Variants in HSF2BP observed in about 807,000 individuals in gnomAD.
HSF2BP encodes heat shock factor 2-binding protein.
Under a neutral mutation model 35.0 loss-of-function variants are expected in HSF2BP, and 35 were observed. That is an observed-to-expected ratio of 1.00 (90% CI 0.76 to 1.32). The LOEUF (loss-of-function observed/expected upper bound fraction) is 1.32, where lower values mean the gene tolerates loss of function less well. HSF2BP is among the 40% of genes most tolerant of loss of function. HSF2BP has a pLI of 0.00. For synonymous variants in HSF2BP, 114 were observed against 117.4 expected, an observed-to-expected ratio of 0.97 and a Z score of 0.18; for missense variants, 326 against 321.7, an observed-to-expected ratio of 1.01 and a Z score of -0.10.
At chr21:43,614,945 A>C (rs1235728161) in intron 6 of HSF2BP, among the ~76,000 whole-genome samples, 4 of 152,216 alleles carry the variant, frequency 2.6e-5, no homozygotes, top group Non-Finnish European at 5.9e-5. Context: ...TTTATGTCCC[A>C]TTGTGGAACA....
chr21:43,628,669 T>C (rs961168253), intron 6 of HSF2BP, among the ~76,000 whole-genome samples: 1 of 152,238 alleles, frequency 6.6e-6, no homozygotes, highest in Non-Finnish European at 1.5e-5. Flanking sequence ...AGATTTTCAA[T>C]GTAGACAAAG....
At chr21:43,654,581 CA>C (rs2082840245) in intron 3 of HSF2BP, among the ~76,000 whole-genome samples, 1 of 152,142 alleles carries the variant, frequency 6.6e-6, no homozygotes. Context: ...TTCCTCACTG[CA>C]AAGAGCCATA....
intron 4 of HSF2BP, among the ~76,000 whole-genome samples, chr21:43,643,887 G>A (rs151050768): frequency 0.015 from 2,293 of 151,846 alleles, 28 homozygotes; most frequent in Middle Eastern, 0.034. Flanking sequence ...CCCAGGAGGC[G>A]GAGCTTGCAG....
At chr21:43,591,382 A>T (rs1411732118) in intron 8 of HSF2BP, among the ~76,000 whole-genome samples, 1 of 152,200 alleles carries the variant, frequency 6.6e-6, no homozygotes, top group Non-Finnish European at 1.5e-5. Context: ...CCACATACCC[A>T]CATAGAGTAC....
intron 7 of HSF2BP, among the ~76,000 whole-genome samples, chr21:43,595,340 G>A (rs2081971609): frequency 6.6e-6 from 1 of 152,080 alleles, no homozygotes; most frequent in Admixed American, 6.6e-5. Flanking sequence ...AGAAGAAAGA[G>A]AAGGCTGAGG....
At chr21:43,467,958 CTTACA>C in the HSF2BP span, among the ~76,000 whole-genome samples, 1 of 66,682 alleles carries the variant, frequency 1.5e-5, no homozygotes, top group Non-Finnish European at 3.0e-5. Flanking sequence ...ACACACCACA[CTTACA>C]CCACACACAC....
the HSF2BP span, among the ~76,000 whole-genome samples, chr21:43,467,981 ACAC>A: frequency 6.1e-5 from 6 of 98,192 alleles, no homozygotes; most frequent in East Asian, 5.8e-4. Flanking sequence ...CACACCACAC[ACAC>A]CACACCCACA....
At chr21:43,578,614 C>T (rs2081677554) in intron 8 of HSF2BP, among the ~76,000 whole-genome samples, 1 of 152,220 alleles carries the variant, frequency 6.6e-6, no homozygotes, top group African/African-American at 2.4e-5. Flanking sequence ...ACCCTCATCG[C>T]TCTCTCATGG....
intron 6 of HSF2BP, among the ~76,000 whole-genome samples, chr21:43,618,683 T>C (rs1289458977): frequency 6.6e-6 from 1 of 151,716 alleles, no homozygotes; most frequent in African/African-American, 2.4e-5. Flanking sequence ...ACGCCTGTAA[T>C]CCCAGTACTT....
At chr21:43,600,039 A>G (rs1256327694) in intron 7 of HSF2BP, among the ~76,000 whole-genome samples, 1 of 152,144 alleles carries the variant, frequency 6.6e-6, no homozygotes, top group African/African-American at 2.4e-5. Flanking sequence ...GCTAAAATAA[A>G]GGTACTGGTG....
chr21:43,581,072 G>T (rs754707367), intron 8 of HSF2BP, among the ~76,000 whole-genome samples: 6 of 152,218 alleles, frequency 3.9e-5, no homozygotes, highest in Non-Finnish European at 7.3e-5. Context: ...GAAGGAAGAT[G>T]ATGCTTAAGT....
chr21:43,636,600 C>A (rs1406483689), intron 4 of HSF2BP, among the ~76,000 whole-genome samples: 3 of 152,014 alleles, frequency 2.0e-5, no homozygotes, highest in South Asian at 4.1e-4. Context: ...GATATTTAAC[C>A]AAAGAAAACA....
At chr21:43,641,915 CAAA>C (rs60587366) in intron 4 of HSF2BP, among the ~76,000 whole-genome samples, 3 of 114,060 alleles carry the variant, frequency 2.6e-5, no homozygotes, top group Admixed American at 8.9e-5. Flanking sequence ...GACTCTGTCT[CAAA>C]AAAAAAAAAA....
In HSF2BP at chr21:43,657,963, G is replaced by A. The variant is rs140136596; in HGVS notation, c.36+98C>T. On this transcript the variant is annotated intron_variant, in intron 2 of 8. Transcript: ENST00000291560. ...GTCTCCAGGCTTCCCCCAAGCACGC[G>A]ACAGCGAGCCGTCTCCGAGCGCACG... The A allele has an allele frequency of 1.0e-4, 152 of 1,522,418 alleles. No homozygotes were observed. In the African/African-American group the frequency reaches 1.5e-3, roughly 15 times the overall value. The allele number at this position is 1,522,418 out of a possible 1,614,324, so 94.3% of individuals were successfully genotyped here.
At chr21:43,618,084 A>AC (rs1236384246) in intron 6 of HSF2BP, among the ~76,000 whole-genome samples, 1 of 151,700 alleles carries the variant, frequency 6.6e-6, no homozygotes, top group African/African-American at 2.4e-5. Context: ...ACATAATGAG[A>AC]CCCCATCTCT....
intron 7 of HSF2BP, among the ~76,000 whole-genome samples, chr21:43,600,895 T>C (rs949134468): frequency 5.3e-5 from 8 of 152,322 alleles, no homozygotes; most frequent in Non-Finnish European, 5.9e-5. Context: ...GGAATCTTTT[T>C]TCTTTGCACG....
chr21:43,611,998 A>C (rs2082210579), intron 7 of HSF2BP, among the ~76,000 whole-genome samples: 1 of 152,172 alleles, frequency 6.6e-6, no homozygotes, highest in South Asian at 2.1e-4. Flanking sequence ...TCTGAACCTA[A>C]GATCCAGACC....
chr21:43,499,714 GC>G, the HSF2BP span, among the ~76,000 whole-genome samples: 1 of 116,338 alleles, frequency 8.6e-6, no homozygotes, highest in South Asian at 3.0e-4. Context: ...ATCCCTTCCT[GC>G]CCCCCACCTG....
the HSF2BP span, among the ~76,000 whole-genome samples, chr21:43,467,643 G>A: frequency 6.6e-6 from 1 of 151,522 alleles, no homozygotes; most frequent in East Asian, 1.9e-4. Flanking sequence ...GCCGGGGTCT[G>A]AGCCCTTCCG....
Sources: gnomAD v4.1 joint callset for allele counts (sites outside exome capture counted in the v4.1 genomes callset) on GRCh38, gnomAD v4.1.1 for gene constraint, MANE v1.5 for transcripts, NCBI Gene and HGNC (gene_info 2026-07-23, HGNC 2026-07-21) for gene names.